DTD1: variants seen among roughly 807,000 people sequenced by gnomAD.
The protein encoded by DTD1 is D-tyrosyl-tRNA deacylase 1 homolog.
Under a neutral mutation model 25.6 loss-of-function variants are expected in DTD1, and 13 were observed. That is an observed-to-expected ratio of 0.51 (90% CI 0.33 to 0.81). The LOEUF (loss-of-function observed/expected upper bound fraction) is 0.81. Among genes scored for constraint, DTD1 ranks in the 30% least tolerant of loss-of-function variants. DTD1 has a pLI of 0.02. For synonymous variants in DTD1, 110 were observed against 103.6 expected, an observed-to-expected ratio of 1.06 and a Z score of -0.37; for missense variants, 193 against 266.4, an observed-to-expected ratio of 0.72 and a Z score of 1.92.
chr20:18,664,262 T>A (rs750420459), intron 4 of DTD1, among the ~76,000 whole-genome samples: 8 of 152,220 alleles, frequency 5.3e-5, no homozygotes, highest in African/African-American at 7.2e-5. Flanking sequence ...TTTTCACTCT[T>A]TTTTTCCAAA....
chr20:18,751,848 T>G (rs373923408), intron 5 of DTD1, among the ~76,000 whole-genome samples: 2,088 of 145,568 alleles, frequency 0.014, 44 homozygotes, highest in African/African-American at 0.046. Context: ...GTAGTTTTTT[T>G]TTTTTGTTGT....
chr20:18,646,924 T>C (rs893820615), intron 4 of DTD1, among the ~76,000 whole-genome samples: 3 of 152,158 alleles, frequency 2.0e-5, no homozygotes, highest in Middle Eastern at 3.2e-3. Flanking sequence ...ATGGACCCCA[T>C]TGCATTTCAG....
intron 4 of DTD1, among the ~76,000 whole-genome samples, chr20:18,713,246 C>G (rs2061167171): frequency 6.6e-6 from 1 of 152,250 alleles, no homozygotes; most frequent in African/African-American, 2.4e-5. Context: ...GGAGCTGTTT[C>G]ATGTAGTGTC....
chr20:18,595,895 GTCA>G, intron 2 of DTD1, 108 bp from the exon 3 acceptor site: 1 of 880,134 alleles, frequency 1.1e-6, no homozygotes, highest in Non-Finnish European at 1.9e-6. Flanking sequence ...CAGGGATGGA[GTCA>G]TCATTATGTC....
At chr20:18,632,763 T>G in intron 4 of DTD1, 1 of 698,314 alleles carries the variant, frequency 1.4e-6, no homozygotes, top group Non-Finnish European at 1.8e-6. Flanking sequence ...TCTGAACAAA[T>G]GGATGATGTG....
chr20:18,697,668 T>A (rs2061083586), intron 4 of DTD1, among the ~76,000 whole-genome samples: 1 of 152,198 alleles, frequency 6.6e-6, no homozygotes, highest in African/African-American at 2.4e-5. Flanking sequence ...GGAGTGTGGA[T>A]ATTCAACTCA....
At chr20:18,658,968 C>A (rs3886452) in intron 4 of DTD1, among the ~76,000 whole-genome samples, 19,377 of 151,960 alleles carry the variant, frequency 0.13, 1,587 homozygotes, top group Non-Finnish European at 0.18. Flanking sequence ...AGAAAGGTGG[C>A]ACATTTGTGC....
intron 3 of DTD1, chr20:18,620,216 A>G (rs2060728155): frequency 6.6e-6 from 1 of 152,350 alleles, no homozygotes; most frequent in East Asian, 1.9e-4. Flanking sequence ...TTACTTCCAG[A>G]AAGTAATCAT....
intron 3 of DTD1, among the ~76,000 whole-genome samples, chr20:18,622,353 G>T (rs1358046441): frequency 6.6e-6 from 1 of 152,110 alleles, no homozygotes; most frequent in East Asian, 1.9e-4. Context: ...TTCCTAGGGG[G>T]TGAGGAAGAT....
intron 5 of DTD1, among the ~76,000 whole-genome samples, chr20:18,759,189 C>A (rs9653634): frequency 1.3e-5 from 2 of 151,964 alleles, no homozygotes; most frequent in South Asian, 4.1e-4. Flanking sequence ...ACTCTTTATC[C>A]GATTTGCCAG....
Position 18,728,274 on chromosome 20 carries a change from G to T in DTD1, c.478-15826G>T, listed in dbSNP as rs192522265. On this transcript the variant is annotated intron_variant, in intron 4 of 5. Transcript: ENST00000377452. ...GGGAAGAGGGCGGGGCCATCACCCT[G>T]AGTTTGGCTTCTGGTCAGTGGCACA... Among the ~76,000 whole-genome samples, 25 of 152,260 alleles carry T rather than the reference G, an allele frequency of 1.6e-4. No homozygotes were observed. The East Asian group carries it at 4.3e-3, about 26-fold the overall frequency.
At chr20:18,700,858 G>T (rs1197117288) in intron 4 of DTD1, among the ~76,000 whole-genome samples, 1 of 152,204 alleles carries the variant, frequency 6.6e-6, no homozygotes, top group Non-Finnish European at 1.5e-5. Flanking sequence ...CTTTTCACAG[G>T]ACAGGGTTGC....
intron 5 of DTD1, among the ~76,000 whole-genome samples, chr20:18,756,008 T>C (rs1409841677): frequency 6.6e-6 from 1 of 152,104 alleles, no homozygotes; most frequent in African/African-American, 2.4e-5. Flanking sequence ...GATTTGCATT[T>C]CTCTGATGGC....
chr20:18,758,628 T>C (rs1419994437), intron 5 of DTD1, among the ~76,000 whole-genome samples: 2 of 152,214 alleles, frequency 1.3e-5, no homozygotes, highest in Non-Finnish European at 2.9e-5. Context: ...TGCACTGTGG[T>C]CTGAGAGACA....
chr20:18,644,582 T>G (rs1490950021), intron 4 of DTD1, among the ~76,000 whole-genome samples: 1 of 152,212 alleles, frequency 6.6e-6, no homozygotes, highest in East Asian at 1.9e-4. Context: ...TAGAATTTAA[T>G]AAAATGAAAC....
At chr20:18,708,546 G>T (rs1053855453) in intron 4 of DTD1, among the ~76,000 whole-genome samples, 1 of 149,640 alleles carries the variant, frequency 6.7e-6, no homozygotes, top group African/African-American at 2.5e-5. Flanking sequence ...AGTAGAGATG[G>T]GGTTTCACCG....
At chr20:18,644,282 T>A (rs2060842243) in intron 4 of DTD1, among the ~76,000 whole-genome samples, 1 of 152,082 alleles carries the variant, frequency 6.6e-6, no homozygotes, top group South Asian at 2.1e-4. Context: ...TTAGCACATG[T>A]TAATATGGGC....
At chr20:18,679,006 G>A (rs2060986585) in intron 4 of DTD1, 1 of 152,212 alleles carries the variant, frequency 6.6e-6, no homozygotes, top group Non-Finnish European at 1.5e-5. Context: ...GAAAAAGCTA[G>A]TGAGACCCTG....
intron 4 of DTD1, among the ~76,000 whole-genome samples, chr20:18,734,296 C>CT (rs754055357): frequency 1.3e-5 from 2 of 152,220 alleles, no homozygotes; most frequent in Non-Finnish European, 2.9e-5. Context: ...AGGTCACAGA[C>CT]TCGTGGGATT....
Sources: gnomAD v4.1 joint callset for allele counts (sites outside exome capture counted in the v4.1 genomes callset) on GRCh38, gnomAD v4.1.1 for gene constraint, MANE v1.5 for transcripts, NCBI Gene and HGNC (gene_info 2026-07-23, HGNC 2026-07-21) for gene names.